The following DNAH11 variants were observed in gnomAD, a reference collection of about 807,000 sequenced individuals.
DNAH11 encodes dynein axonemal heavy chain 11.
In DNAH11, 442 loss-of-function variants were observed where a neutral mutation model predicts 526.0. That is an observed-to-expected ratio of 0.84 (90% CI 0.78 to 0.91). The LOEUF (loss-of-function observed/expected upper bound fraction) is 0.91, where lower values mean the gene tolerates loss of function less well. Among genes scored for constraint, DNAH11 ranks in the 40% least tolerant of loss-of-function variants. The pLI, the probability that DNAH11 is intolerant of heterozygous loss-of-function variation, is 0.00. For synonymous variants in DNAH11, 2,461 were observed against 1,935.9 expected, an observed-to-expected ratio of 1.27 and a Z score of -7.12; for missense variants, 6,989 against 5,448.7, an observed-to-expected ratio of 1.28 and a Z score of -8.90.
At chr7:21,769,464 G>C (rs915106879) in intron 55 of DNAH11, among the ~76,000 whole-genome samples, 3 of 151,382 alleles carry the variant, frequency 2.0e-5, no homozygotes, top group Non-Finnish European at 2.9e-5. Context: ...GAGGTAGCTG[G>C]ATTGCTTTTT....
Position 21,866,541 on chromosome 7 carries a change from G to T in DNAH11, c.11568G>T (p.Lys3856Asn). 1.1e-5 allele frequency: 18 copies of T among 1,613,988 alleles called. No individual in the cohort carries two copies. Among genetic ancestry groups the T allele is most frequent in the Non-Finnish European group, 1.5e-5 (18 of 1,179,884 alleles). ...AAGGATCTGCCAAGCAGTGGAGGAAGTGGGTAGAATCCGAGTGTCCAGAAA... is the reference window on the plus strand; with the variant it reads ...AAGGATCTGCCAAGCAGTGGAGGAATTGGGTAGAATCCGAGTGTCCAGAAA... The part of the protein sequence containing the change: ...DVEGSAKQWR[K>N]WVESECPEKE... The change falls in exon 71 of 82, where the codon AAG becomes AAT. Residue 3856 changes from lysine to asparagine, a missense_variant. By Grantham distance (94) the Lys-to-Asn change is moderately conservative. Transcript: ENST00000409508.
chr7:21,582,010 G>C lies in DNAH11; in HGVS notation c.1699G>C (p.Ala567Pro). The C allele has an allele frequency of 6.2e-7, 1 of 1,608,184 alleles. No individual in the cohort carries two copies. The highest frequency in any genetic ancestry group is 8.5e-7 in the Non-Finnish European group (1 of 1,174,992). The stretch of plus-strand genomic sequence containing the variant: ...TTTCTTTAACTGCAATGGCTTAGAA[G>C]CTGCATTTAAGGTTAGTTCTGAAGA... ...EAFFNCNGLE[A>P]AFKLLTIFGN... The change falls in exon 9 of 82, where the codon GCT becomes CCT. Residue 567 changes from alanine to proline, a missense_variant. Coordinates refer to ENST00000409508, the MANE Select transcript of DNAH11 (RefSeq NM_001277115.2).
chr7:21,748,606 C>G lies in DNAH11; in HGVS notation c.8537C>G (p.Thr2846Ser). ...TGTCGCATCAGCCGGATCTTACGAA[C>G]CCCTCAGGGCTGTGCTCTCTTGGTT... ...HVCRISRILR[T>S]PQGCALLVGV... is the part of the protein sequence containing the mutation. The change falls in exon 52 of 82, where the codon ACC becomes AGC. Residue 2846 changes from threonine (T) to serine (S), a missense_variant. By Grantham distance (58) the Thr-to-Ser change is moderately conservative (BLOSUM62 1). Coordinates refer to ENST00000409508, the MANE Select transcript of DNAH11 (RefSeq NM_001277115.2). 1 of 1,556,530 alleles carries G rather than the reference C, an allele frequency of 6.4e-7. No homozygotes were observed. Among genetic ancestry groups the G allele is most frequent in the East Asian group, 2.3e-5 (1 of 43,268 alleles).
chr7:21,575,296 G>C, intron 8 of DNAH11, among the ~76,000 whole-genome samples: 1 of 152,186 alleles, frequency 6.6e-6, no homozygotes, highest in East Asian at 1.9e-4. Context: ...GCCTGAGATG[G>C]AGTGATCCAG....
At chr7:21,591,649 C>A (rs1784693832) in intron 14 of DNAH11, 72 bp downstream of exon 14, 1 of 1,391,190 alleles carries the variant, frequency 7.2e-7, no homozygotes, top group African/African-American at 1.4e-5. Context: ...AATCTTTAAC[C>A]TAATAATGTG....
intron 20 of DNAH11, among the ~76,000 whole-genome samples, chr7:21,612,188 T>C (rs1414141590): frequency 1.3e-5 from 2 of 152,100 alleles, no homozygotes; most frequent in African/African-American, 4.8e-5. Context: ...CATATAACTA[T>C]TCAAACTTAG....
intron 65 of DNAH11, among the ~76,000 whole-genome samples, chr7:21,838,697 C>T (rs117235504): frequency 2.7e-5 from 4 of 149,030 alleles, no homozygotes; most frequent in African/African-American, 7.5e-5. Flanking sequence ...CATGATATTT[C>T]ATTGTTTGGA....
chr7:21,712,772 C>A (rs1400749886), intron 42 of DNAH11, among the ~76,000 whole-genome samples: 6 of 152,170 alleles, frequency 3.9e-5, no homozygotes, highest in Admixed American at 3.9e-4. Context: ...GTATAAAATT[C>A]TAAATATCTA....
At chr7:21,665,323 G>T (rs1040320850) in intron 30 of DNAH11, among the ~76,000 whole-genome samples, 1 of 152,066 alleles carries the variant, frequency 6.6e-6, no homozygotes, top group African/African-American at 2.4e-5. Context: ...GGTAATACTG[G>T]CTAGTTGGGT....
chr7:21,900,289 A>T (rs1389084395), intron 81 of DNAH11, among the ~76,000 whole-genome samples, 169 bp downstream of exon 81: 1 of 132,982 alleles, frequency 7.5e-6, no homozygotes, highest in Non-Finnish European at 1.7e-5. Context: ...ATGTGTGTCC[A>T]CTGTGAACCA....
chr7:21,581,837 T>A (rs1013212736), intron 8 of DNAH11, 68 bp from the exon 9 acceptor site: 1 of 965,328 alleles, frequency 1.0e-6, no homozygotes, highest in Admixed American at 1.8e-5. Flanking sequence ...AAGGTCACGC[T>A]TGTGTGATTG....
chr7:21,600,570 C>G, intron 15 of DNAH11, 106 bp from the exon 16 acceptor site: 1 of 1,227,498 alleles, frequency 8.1e-7, no homozygotes, highest in Non-Finnish European at 1.1e-6. Context: ...TTTAATTTTT[C>G]TAACTACTCT....
chr7:21,621,154 G>A (rs933279408), intron 25 of DNAH11, among the ~76,000 whole-genome samples: 1 of 152,086 alleles, frequency 6.6e-6, no homozygotes, highest in African/African-American at 2.4e-5. Context: ...ACTTCCACAA[G>A]AGTTGAATAC....
chr7:21,668,561 C>T (rs1782512378), intron 30 of DNAH11, among the ~76,000 whole-genome samples: 1 of 152,128 alleles, frequency 6.6e-6, no homozygotes, highest in South Asian at 2.1e-4. Context: ...TGTCTTCTGC[C>T]AGCATCCATG....
intron 54 of DNAH11, among the ~76,000 whole-genome samples, chr7:21,752,333 C>T (rs952424809): frequency 6.6e-6 from 1 of 152,178 alleles, no homozygotes; most frequent in African/African-American, 2.4e-5. Context: ...TCTAGATCCC[C>T]TCTTCTTGAA....
chr7:21,694,140 C>A (rs2128475891), intron 35 of DNAH11, among the ~76,000 whole-genome samples: 1 of 152,226 alleles, frequency 6.6e-6, no homozygotes, highest in African/African-American at 2.4e-5. Flanking sequence ...GGACACAGAG[C>A]CAAACCATAT....
intron 43 of DNAH11, among the ~76,000 whole-genome samples, chr7:21,719,135 C>G (rs1013331780): frequency 2.6e-5 from 4 of 152,092 alleles, no homozygotes; most frequent in Non-Finnish European, 4.4e-5. Flanking sequence ...GATTTCTGCT[C>G]TACTTCTTTC....
At chr7:21,888,897 T>C (rs1784229000) in intron 76 of DNAH11, among the ~76,000 whole-genome samples, 1 of 152,162 alleles carries the variant, frequency 6.6e-6, no homozygotes, top group Non-Finnish European at 1.5e-5. Flanking sequence ...TACTAAGATA[T>C]AATTTGCACA....
chr7:21,565,345 A>T (rs914580389), intron 6 of DNAH11, among the ~76,000 whole-genome samples: 2 of 152,154 alleles, frequency 1.3e-5, no homozygotes, highest in Admixed American at 1.3e-4. Context: ...TAAAGACCCT[A>T]TATCCAGATA....
Sources: gnomAD v4.1 joint callset for allele counts (sites outside exome capture counted in the v4.1 genomes callset) on GRCh38, gnomAD v4.1.1 for gene constraint, MANE v1.5 for transcripts, NCBI Gene and HGNC (gene_info 2026-07-23, HGNC 2026-07-21) for gene names.